KCNU1: variants seen among roughly 807,000 people sequenced by gnomAD.
KCNU1 encodes potassium channel subfamily U member 1.
In KCNU1, 93 loss-of-function variants were observed where a neutral mutation model predicts 126.8. The observed-to-expected ratio is 0.73, with a 90% CI of 0.62 to 0.87. The LOEUF (loss-of-function observed/expected upper bound fraction) is 0.87. KCNU1 is among the 40% of genes least tolerant of loss of function. The pLI, the probability that KCNU1 is intolerant of heterozygous loss-of-function variation, is 0.00. For synonymous variants in KCNU1, 523 were observed against 494.2 expected (o/e 1.06, Z -0.77); for missense variants, 1,330 against 1,367.1 (o/e 0.97, Z 0.43).
intron 22 of KCNU1, among the ~76,000 whole-genome samples, chr8:36,914,726 AAGG>A (rs1204499968): frequency 2.0e-5 from 3 of 152,190 alleles, no homozygotes; most frequent in Non-Finnish European, 2.9e-5. Flanking sequence ...GTCACATCAC[AAGG>A]AGAACAGGTT....
At chr8:36,885,464 A>G (rs941565197) in intron 19 of KCNU1, among the ~76,000 whole-genome samples, 1 of 152,140 alleles carries the variant, frequency 6.6e-6, no homozygotes, top group Non-Finnish European at 1.5e-5. Context: ...CTGAAGCAGG[A>G]GAATCGCTTA....
intron 10 of KCNU1, among the ~76,000 whole-genome samples, chr8:36,827,277 G>A (rs1212022638): frequency 6.6e-6 from 1 of 152,146 alleles, no homozygotes; most frequent in Non-Finnish European, 1.5e-5. Context: ...CGAATTATAA[G>A]CTAGTTTATT....
chr8:36,880,471 A>G (rs1055225214), intron 19 of KCNU1, among the ~76,000 whole-genome samples: 1 of 152,174 alleles, frequency 6.6e-6, no homozygotes, highest in African/African-American at 2.4e-5. Context: ...TCAGAAATGA[A>G]CAGATGGGGT....
At chr8:36,791,250 T>G (rs1802891432) in intron 2 of KCNU1, among the ~76,000 whole-genome samples, 1 of 152,188 alleles carries the variant, frequency 6.6e-6, no homozygotes. Flanking sequence ...TCTTCTAAAT[T>G]TAGTTCCAAA....
chr8:36,809,581 A>T (rs1026189825), intron 7 of KCNU1, among the ~76,000 whole-genome samples: 1 of 152,202 alleles, frequency 6.6e-6, no homozygotes, highest in East Asian at 1.9e-4. Context: ...TGAACCTTCA[A>T]GAAATCTGAA....
intron 12 of KCNU1, among the ~76,000 whole-genome samples, chr8:36,835,661 A>C (rs1260621905): frequency 6.6e-6 from 1 of 152,162 alleles, no homozygotes; most frequent in Non-Finnish European, 1.5e-5. Context: ...AAGTATTTTC[A>C]AGATGGCTAG....
intron 1 of KCNU1, 98 bp from the exon 2 acceptor site, chr8:36,787,208 G>T: frequency 9.2e-7 from 1 of 1,089,818 alleles, no homozygotes; most frequent in South Asian, 2.2e-5. Flanking sequence ...AGTGATTTTC[G>T]ACTGATACCA....
intron 19 of KCNU1, among the ~76,000 whole-genome samples, chr8:36,900,350 T>A (rs943810657): frequency 6.6e-6 from 1 of 152,142 alleles, no homozygotes; most frequent in Non-Finnish European, 1.5e-5. Context: ...ATCAATTTTT[T>A]AAACCTTAAA....
At chr8:36,787,567 C>A (rs1400686495) in intron 2 of KCNU1, 142 bp downstream of exon 2, 2 of 609,644 alleles carry the variant, frequency 3.3e-6, no homozygotes, top group Non-Finnish European at 5.2e-6. Context: ...CTCCCCATCC[C>A]CATCTCCTTG....
chr8:36,854,018 C>T (rs1443713692), intron 18 of KCNU1, among the ~76,000 whole-genome samples: 1 of 152,140 alleles, frequency 6.6e-6, no homozygotes, highest in Non-Finnish European at 1.5e-5. Flanking sequence ...AGTTGTTTCT[C>T]ATTCAGCGCT....
At position 36,909,526 on chromosome 8, in the gene KCNU1, C is replaced by G. The variant is rs1807781435; in HGVS notation, c.2322C>G (p.Tyr774Ter). ...WRFLWNFPQI[Y>*]ILPGCALYSG... Reference sequence around the variant, plus strand: ...TTCTCTGGAATTTTCCCCAGATATACATTCTGCCTGTAAGTATCATATAAG... The same window carrying G: ...TTCTCTGGAATTTTCCCCAGATATAGATTCTGCCTGTAAGTATCATATAAG... Residue 774 changes from tyrosine to a stop codon, truncating the protein, a stop_gained, in exon 21 of 27, where the codon TAC becomes TAG. Coordinates refer to ENST00000399881, the MANE Select transcript of KCNU1 (RefSeq NM_001031836.3). LOFTEE classifies it high-confidence loss of function. 1 of 1,569,124 alleles carries G rather than the reference C, an allele frequency of 6.4e-7. No individual in the cohort carries two copies. Among genetic ancestry groups the G allele is most frequent in the Non-Finnish European group, 8.8e-7 (1 of 1,139,264 alleles).
chr8:36,869,278 AC>A (rs909394626), intron 19 of KCNU1, among the ~76,000 whole-genome samples: 1 of 152,090 alleles, frequency 6.6e-6, no homozygotes, highest in Non-Finnish European at 1.5e-5. Flanking sequence ...GGAGAGGAAA[AC>A]GTTTTTAATA....
In KCNU1 at chr8:36,812,822, T is replaced by C. The variant is rs1218425127; in HGVS notation, c.733-1385T>C. Among the ~76,000 whole-genome samples, 3 of 152,214 alleles carry C rather than the reference T, an allele frequency of 2.0e-5. No individual in the cohort carries two copies. The East Asian group carries it at 5.8e-4, about 29-fold the overall frequency. Reference sequence around the variant, plus strand: ...AGATACTGAGAAAGTGGAAAGGGATTTGAAACACCAAATTATTACTCATAA... The same window carrying C: ...AGATACTGAGAAAGTGGAAAGGGATCTGAAACACCAAATTATTACTCATAA... On this transcript the variant is annotated intron_variant, in intron 7 of 26. Coordinates refer to ENST00000399881, the MANE Select transcript of KCNU1 (RefSeq NM_001031836.3).
At chr8:36,879,218 TATATATATATATATATATATACACACAC>T (rs1202526459) in intron 19 of KCNU1, among the ~76,000 whole-genome samples, 1 of 140,550 alleles carries the variant, frequency 7.1e-6, no homozygotes, top group Non-Finnish European at 1.5e-5. Context: ...TGTGTATATA[TATATATATATATATATATATACACACAC>T]ATATATGAAA....
At chr8:36,796,764 C>G (rs1803114942) in intron 2 of KCNU1, among the ~76,000 whole-genome samples, 1 of 152,012 alleles carries the variant, frequency 6.6e-6, no homozygotes, top group Non-Finnish European at 1.5e-5. Flanking sequence ...TTTCTTATTT[C>G]TTCTTAAGTA....
chr8:36,796,850 C>A (rs917498777), intron 2 of KCNU1, among the ~76,000 whole-genome samples: 6 of 152,004 alleles, frequency 3.9e-5, no homozygotes, highest in African/African-American at 1.4e-4. Context: ...TTTAATTTGC[C>A]AGGAGAATGT....
intron 2 of KCNU1, among the ~76,000 whole-genome samples, chr8:36,788,982 A>G (rs1190214370): frequency 6.6e-6 from 1 of 152,190 alleles, no homozygotes; most frequent in Non-Finnish European, 1.5e-5. Context: ...TAATGAAGGG[A>G]AACTGTATTA....
intron 19 of KCNU1, among the ~76,000 whole-genome samples, chr8:36,903,500 G>A (rs901214981): frequency 1.3e-5 from 2 of 152,114 alleles, no homozygotes; most frequent in African/African-American, 2.4e-5. Context: ...GGCTGTAGGG[G>A]ACAATAACAG....
chr8:36,858,191 A>C (rs960290434), intron 18 of KCNU1, among the ~76,000 whole-genome samples: 1 of 151,738 alleles, frequency 6.6e-6, no homozygotes, highest in African/African-American at 2.4e-5. Context: ...AAAAAAAAAA[A>C]AAAAAAAACT....
Sources: gnomAD v4.1 joint callset for allele counts (sites outside exome capture counted in the v4.1 genomes callset) on GRCh38, gnomAD v4.1.1 for gene constraint, MANE v1.5 for transcripts, NCBI Gene and HGNC (gene_info 2026-07-23, HGNC 2026-07-21) for gene names.